ANO10: variants seen among roughly 807,000 people sequenced by gnomAD.
ANO10 encodes the protein anoctamin 10, also known as anoctamin-10.
In ANO10, 77 loss-of-function variants were observed where a neutral mutation model predicts 74.7. The ratio of observed to expected loss-of-function variants is 1.03; its 90% confidence interval spans 0.86 to 1.25. The LOEUF (loss-of-function observed/expected upper bound fraction) is 1.25, where lower values mean the gene tolerates loss of function less well. Among genes scored for constraint, ANO10 ranks in the 50% most tolerant of loss-of-function variants. The pLI is 0.00. For synonymous variants in ANO10, 279 were observed against 284.9 expected (o/e 0.98, Z 0.21); for missense variants, 721 against 778.1 (o/e 0.93, Z 0.87).
intron 10 of ANO10, among the ~76,000 whole-genome samples, chr3:43,553,695 C>G (rs2079598031): frequency 6.6e-6 from 1 of 152,036 alleles, no homozygotes; most frequent in Non-Finnish European, 1.5e-5. Context: ...ACCACCACGC[C>G]CAGCTAATTT....
Position 43,540,915 on chromosome 3 carries a change from A to C in ANO10, c.1797+8805T>G, listed in dbSNP as rs577501750. On this transcript the variant is annotated intron_variant, in intron 11 of 12. Coordinates refer to ENST00000292246, the MANE Select transcript of ANO10 (RefSeq NM_018075.5). Reference sequence around the variant, plus strand: ...ACATAATAAATATGTATTCAATGTAAGCATTTGATTTGACTAATTATTCCC... The same window carrying C: ...ACATAATAAATATGTATTCAATGTACGCATTTGATTTGACTAATTATTCCC... 3.3e-5 allele frequency among the ~76,000 whole-genome samples: 5 copies of C among 152,364 alleles called. No individual in the cohort carries two copies. In the South Asian group the frequency reaches 1.0e-3, roughly 32 times the overall value.
intron 7 of ANO10, among the ~76,000 whole-genome samples, chr3:43,570,605 T>C (rs1185499679): frequency 6.6e-6 from 1 of 151,862 alleles, no homozygotes; most frequent in Non-Finnish European, 1.5e-5. Context: ...ATTTAATAAA[T>C]GGTGCTGGGA....
At chr3:43,398,203 G>A (rs2092417110) in intron 12 of ANO10, among the ~76,000 whole-genome samples, 1 of 152,124 alleles carries the variant, frequency 6.6e-6, no homozygotes, top group Non-Finnish European at 1.5e-5. Flanking sequence ...ATATTGATAT[G>A]GCAACTTAAC....
intron 8 of ANO10, among the ~76,000 whole-genome samples, chr3:43,565,249 A>G (rs2080254230): frequency 1.3e-5 from 2 of 152,190 alleles, no homozygotes; most frequent in Non-Finnish European, 2.9e-5. Flanking sequence ...AGCACTGCAT[A>G]GGATCCACTG....
rs541109919 is a variant in ANO10, at chr3:43,573,659, C to G, written c.1218+1150G>C. Among the ~76,000 whole-genome samples the G allele has an allele frequency of 5.9e-5, 9 of 152,244 alleles. No individual in the cohort carries two copies. The South Asian group carries it at 1.2e-3, about 21-fold the overall frequency. On this transcript the variant is annotated intron_variant, in intron 7 of 12. Coordinates refer to ENST00000292246, the MANE Select transcript of ANO10 (RefSeq NM_018075.5). Reference sequence around the variant, plus strand: ...TAAATGAGGTGTTTTCAAGCTGGTACTTCTTTATTATTTATAATAATGGTA... The same window carrying G: ...TAAATGAGGTGTTTTCAAGCTGGTAGTTCTTTATTATTTATAATAATGGTA...
In ANO10 at chr3:43,580,355, A is replaced by G. The variant is rs747313286; in HGVS notation, c.590T>C (p.Ile197Thr). The change falls in exon 5 of 13, where the codon ATA becomes ACA. Residue 197 changes from isoleucine (I) to threonine (T), a missense_variant and splice_region_variant. Coordinates refer to ENST00000292246, the MANE Select transcript of ANO10 (RefSeq NM_018075.5). ...AGAGAACAAGTACTGACACATACCT[A>G]TGGGCTGATACTTCAAAGCAAACCG... The part of the protein sequence containing the change: ...YTRFALKYQP[I>T]DSIRGYFGET... The G allele has an allele frequency of 2.5e-6, 4 of 1,613,784 alleles. No homozygotes were observed. Among genetic ancestry groups the G allele is most frequent in the Non-Finnish European group, 3.4e-6 (4 of 1,179,852 alleles).
intron 4 of ANO10, among the ~76,000 whole-genome samples, chr3:43,597,644 G>A (rs2082154263): frequency 6.6e-6 from 1 of 152,098 alleles, no homozygotes; most frequent in East Asian, 1.9e-4. Context: ...GATAGCATTA[G>A]GAGATATACC....
At chr3:43,520,480 T>A (rs529202230) in intron 11 of ANO10, among the ~76,000 whole-genome samples, 1 of 152,132 alleles carries the variant, frequency 6.6e-6, no homozygotes, top group Admixed American at 6.6e-5. Context: ...CTTTTACATG[T>A]GGATATCCAG....
At chr3:43,552,401 T>C (rs145400868) in intron 10 of ANO10, among the ~76,000 whole-genome samples, 3 of 151,886 alleles carry the variant, frequency 2.0e-5, no homozygotes, top group African/African-American at 7.3e-5. Context: ...ATAAAAAAAA[T>C]TTTTTTCTAC....
chr3:43,505,564 T>A (rs1367049535), intron 11 of ANO10, among the ~76,000 whole-genome samples: 1 of 152,242 alleles, frequency 6.6e-6, no homozygotes, highest in Non-Finnish European at 1.5e-5. Context: ...GCTTCCTTAC[T>A]CATCAGGAAT....
At chr3:43,526,765 A>G (rs894896445) in intron 11 of ANO10, among the ~76,000 whole-genome samples, 1 of 152,038 alleles carries the variant, frequency 6.6e-6, no homozygotes. Flanking sequence ...AATATTTTGA[A>G]TATTTACTTA....
At chr3:43,447,151 G>A (rs1219946497) in intron 11 of ANO10, among the ~76,000 whole-genome samples, 1 of 152,048 alleles carries the variant, frequency 6.6e-6, no homozygotes, top group Non-Finnish European at 1.5e-5. Flanking sequence ...TATTAGTAAG[G>A]GTGCTGCAAT....
intron 9 of ANO10, among the ~76,000 whole-genome samples, chr3:43,559,439 A>C (rs755877460): frequency 1.3e-5 from 2 of 152,254 alleles, no homozygotes; most frequent in Non-Finnish European, 2.9e-5. Flanking sequence ...GAGAAGTAGG[A>C]AACTAAAGAC....
upstream of ANO10, among the ~76,000 whole-genome samples, chr3:43,622,380 G>A (rs949310592): frequency 6.6e-6 from 1 of 152,194 alleles, no homozygotes; most frequent in African/African-American, 2.4e-5. Context: ...GAGCCGGGGC[G>A]GCATGTGGCT....
intron 8 of ANO10, among the ~76,000 whole-genome samples, chr3:43,563,920 A>G (rs2080179562): frequency 6.6e-6 from 1 of 152,184 alleles, no homozygotes; most frequent in Non-Finnish European, 1.5e-5. Flanking sequence ...GAGAGAAGAA[A>G]TAAGTTCTAA....
At chr3:43,555,134 G>A in intron 10 of ANO10, 144 bp downstream of exon 10, 2 of 808,538 alleles carry the variant, frequency 2.5e-6, no homozygotes, top group Non-Finnish European at 4.0e-6. Context: ...GGTTATCCAA[G>A]GCCACACAGC....
chr3:43,473,451 ACAGT>A (rs2075943744), intron 11 of ANO10, among the ~76,000 whole-genome samples: 1 of 152,152 alleles, frequency 6.6e-6, no homozygotes, highest in Admixed American at 6.5e-5. Flanking sequence ...CCCTACAGGC[ACAGT>A]CAGAGAGAGC....
Position 43,598,407 on chromosome 3 carries a change from G to T in ANO10, c.472+125C>A, listed in dbSNP as rs1329486266. 12 of 951,842 alleles carry T rather than the reference G, an allele frequency of 1.3e-5. No individual in the cohort carries two copies. In the East Asian group the frequency reaches 2.8e-4, roughly 22 times the overall value. 59.0% of individuals were successfully genotyped at this position (951,842 alleles called of 1,614,324 possible). A position where few individuals can be genotyped will look rare whatever the true frequency, so the allele number is the denominator to read the frequency against. On this transcript the variant is annotated intron_variant, in intron 4 of 12. Transcript: ENST00000292246. ...ATATACTGAGGTTCCAAAGGGAAAA[G>T]ATATGTTCATAAAAATACAAGTTAT...
chr3:43,597,381 G>C (rs981026222), intron 4 of ANO10, among the ~76,000 whole-genome samples: 1 of 152,214 alleles, frequency 6.6e-6, no homozygotes, highest in Non-Finnish European at 1.5e-5. Context: ...ATCAGTGATA[G>C]ACTGGATTAA....
Sources: allele counts gnomAD v4.1 joint callset (sites outside exome capture counted in the v4.1 genomes callset), GRCh38; gene constraint gnomAD v4.1.1; transcripts MANE v1.5; gene names NCBI Gene and HGNC (gene_info 2026-07-23, HGNC 2026-07-21).